HNRNPLL: variants seen among roughly 807,000 people sequenced by gnomAD.
HNRNPLL encodes heterogeneous nuclear ribonucleoprotein L-like.
Under a neutral mutation model 67.1 loss-of-function variants are expected in HNRNPLL, and 25 were observed. The ratio of observed to expected loss-of-function variants is 0.37; its 90% CI spans 0.27 to 0.52. HNRNPLL has a LOEUF of 0.52. Ranked by LOEUF, HNRNPLL falls within the 20% of genes least tolerant of loss-of-function variation. HNRNPLL has a pLI of 0.90. For missense variants in HNRNPLL, 542 were observed against 673.9 expected (o/e 0.80, Z 2.17); for synonymous variants, 267 against 241.7 (o/e 1.10, Z -0.97).
intron 2 of HNRNPLL, among the ~76,000 whole-genome samples, chr2:38,588,886 TCA>T (rs558798806): frequency 2.0e-5 from 3 of 151,768 alleles, no homozygotes; most frequent in African/African-American, 7.3e-5. Flanking sequence ...CAGTGGGAGA[TCA>T]CAGAGAGAAA....
chr2:38,576,048 T>C (rs1339818730), intron 7 of HNRNPLL, among the ~76,000 whole-genome samples: 1 of 151,810 alleles, frequency 6.6e-6, no homozygotes, highest in African/African-American at 2.4e-5. Context: ...TTTTTAAAAA[T>C]AAAAAATTTT....
intron 7 of HNRNPLL, among the ~76,000 whole-genome samples, chr2:38,573,699 C>T (rs1462414577): frequency 1.3e-5 from 2 of 151,780 alleles, no homozygotes; most frequent in Non-Finnish European, 2.9e-5. Context: ...TATAGTTTAA[C>T]AAGACTATGG....
At chr2:38,566,821 T>TAA (rs1215797549) in intron 12 of HNRNPLL, among the ~76,000 whole-genome samples, 53 of 135,586 alleles carry the variant, frequency 3.9e-4, no homozygotes, top group African/African-American at 1.3e-3. Context: ...TTGTCTCTAT[T>TAA]AAAAAAAAAA....
intron 12 of HNRNPLL, chr2:38,566,119 A>T (rs1489728178): frequency 1.0e-6 from 1 of 986,102 alleles, no homozygotes; most frequent in Non-Finnish European, 1.2e-6. Context: ...CTGTAATCCC[A>T]GCACTTCGGA....
At chr2:38,577,084 C>T (rs1666326840) in intron 7 of HNRNPLL, among the ~76,000 whole-genome samples, 1 of 151,826 alleles carries the variant, frequency 6.6e-6, no homozygotes, top group Admixed American at 6.6e-5. Context: ...ATTCTTTCTG[C>T]CTTTATTACT....
At chr2:38,579,200 A>C (rs1666422730) in intron 6 of HNRNPLL, among the ~76,000 whole-genome samples, 2 of 152,098 alleles carry the variant, frequency 1.3e-5, no homozygotes, top group Admixed American at 1.3e-4. Flanking sequence ...TAAACCACTA[A>C]TTTGCTGTAT....
intron 8 of HNRNPLL, 75 bp from the exon 9 acceptor site, chr2:38,570,000 G>T: frequency 1.0e-6 from 1 of 994,118 alleles, no homozygotes; most frequent in Middle Eastern, 2.2e-4. Context: ...AACACAATAC[G>T]ACCTAAGTGG....
At chr2:38,572,834 C>T (rs559573192) in intron 8 of HNRNPLL, among the ~76,000 whole-genome samples, 5 of 151,944 alleles carry the variant, frequency 3.3e-5, no homozygotes, top group Non-Finnish European at 5.9e-5. Flanking sequence ...GGCTAGGCTC[C>T]GAAGCTTGTT....
chr2:38,571,906 T>C (rs541975705), intron 8 of HNRNPLL, among the ~76,000 whole-genome samples: 1 of 152,310 alleles, frequency 6.6e-6, no homozygotes, highest in Admixed American at 6.5e-5. Context: ...TTCTAAATCA[T>C]ATGAGACAAT....
rs1333720879 is a variant in HNRNPLL at position 38,562,040 on chromosome 2, TA to T, written c.*2141del. 6.6e-6 allele frequency: 1 copy of T among 152,212 alleles called. No homozygotes were observed. Among genetic ancestry groups the T allele is most frequent in the African/African-American group, 2.4e-5 (1 of 41,470 alleles). The allele number at this position is 152,212 out of a possible 1,614,324, so 9.4% of individuals were successfully genotyped here. ...TTTGGATACAGAGATGGGATTTCAA[TA>T]TTTTTTTTAAAAACTCAAAGCTAGT... On this transcript the variant is annotated 3_prime_UTR_variant, in exon 13 of 13. Transcript: ENST00000449105.
chr2:38,568,564 G>A, intron 10 of HNRNPLL, 121 bp from the exon 11 acceptor site: 1 of 629,938 alleles, frequency 1.6e-6, no homozygotes, highest in Non-Finnish European at 2.8e-6. Context: ...ATTAAATCAA[G>A]TATGTTTTCT....
At chr2:38,578,490 G>A (rs1373967048) in intron 6 of HNRNPLL, among the ~76,000 whole-genome samples, 1 of 152,030 alleles carries the variant, frequency 6.6e-6, no homozygotes, top group Non-Finnish European at 1.5e-5. Flanking sequence ...AAAATTCAGA[G>A]AGCCTTTACC....
intron 1 of HNRNPLL, chr2:38,601,989 G>C (rs773865940): frequency 5.0e-5 from 9 of 181,582 alleles, no homozygotes; most frequent in African/African-American, 9.6e-5. Flanking sequence ...GAGGCGGAGA[G>C]AGCTCCCGGT....
intron 2 of HNRNPLL, 95 bp from the exon 3 acceptor site, chr2:38,585,976 G>T: frequency 1.2e-6 from 1 of 812,952 alleles, no homozygotes; most frequent in Non-Finnish European, 2.1e-6. Context: ...TAATAAAAAT[G>T]TGTCAAATCC....
chr2:38,602,839 G>C lies in HNRNPLL; in HGVS notation c.-213C>G, dbSNP rs1055388880. On this transcript the variant is annotated 5_prime_UTR_variant, in exon 1 of 13. Coordinates refer to ENST00000449105, the MANE Select transcript of HNRNPLL (RefSeq NM_138394.4). Reference sequence around the variant, plus strand: ...CGCCCCGGGAGGAAGCTCTGGAGCGGCCGCTCCTCTCAATTACCGAGCCAA... The same window carrying C: ...CGCCCCGGGAGGAAGCTCTGGAGCGCCCGCTCCTCTCAATTACCGAGCCAA... 1 of 1,549,000 alleles carries C rather than the reference G, an allele frequency of 6.5e-7. No individual in the cohort carries two copies. Among genetic ancestry groups the C allele is most frequent in the Non-Finnish European group, 8.7e-7 (1 of 1,146,230 alleles).
chr2:38,573,486 T>C, intron 7 of HNRNPLL, 59 bp from the exon 8 acceptor site: 4 of 1,131,800 alleles, frequency 3.5e-6, no homozygotes, highest in South Asian at 1.4e-5. Flanking sequence ...TGTTTGTAAA[T>C]ACTTTAGTAG....
intron 7 of HNRNPLL, among the ~76,000 whole-genome samples, chr2:38,576,993 T>G (rs1277206265): frequency 3.3e-5 from 5 of 151,842 alleles, no homozygotes; most frequent in African/African-American, 4.8e-5. Context: ...CATGAACAAA[T>G]TTAACTGAAA....
chr2:38,573,712 G>A (rs1275735316), intron 7 of HNRNPLL, among the ~76,000 whole-genome samples: 1 of 151,702 alleles, frequency 6.6e-6, no homozygotes, highest in Admixed American at 6.6e-5. Flanking sequence ...GACTATGGGG[G>A]GTTAAGAAAA....
At chr2:38,582,602 G>A (rs988379708) in intron 4 of HNRNPLL, among the ~76,000 whole-genome samples, 11 of 152,046 alleles carry the variant, frequency 7.2e-5, no homozygotes, top group African/African-American at 1.2e-4. Context: ...GAGTCACTGC[G>A]CCTGGCCAGG....
Sources: allele counts gnomAD v4.1 joint callset (sites outside exome capture counted in the v4.1 genomes callset), GRCh38; gene constraint gnomAD v4.1.1; transcripts MANE v1.5; gene names NCBI Gene and HGNC (gene_info 2026-07-23, HGNC 2026-07-21).